The following DPYS variants were observed in gnomAD, a reference collection of about 807,000 sequenced individuals.
DPYS encodes dihydropyrimidinase, also known as dihydropyrimidine amidohydrolase.
A neutral mutation model predicts 50.3 loss-of-function variants in DPYS; 39 were observed. The ratio of observed to expected loss-of-function variants is 0.78; its 90% CI spans 0.60 to 1.01. DPYS has a LOEUF of 1.01. DPYS is among the 50% of genes least tolerant of loss of function. The probability of loss-of-function intolerance (pLI) is 0.00; values close to 1 mark genes in which losing one functional copy is unlikely to be tolerated. For synonymous variants in DPYS, 245 were observed against 250.7 expected, an observed-to-expected ratio of 0.98 and a Z score of 0.22; for missense variants, 659 against 680.9, an observed-to-expected ratio of 0.97 and a Z score of 0.36.
At chr8:104,454,526 AC>A (rs1346105317) in intron 1 of DPYS, among the ~76,000 whole-genome samples, 2 of 152,254 alleles carry the variant, frequency 1.3e-5, no homozygotes, top group Admixed American at 1.3e-4. Context: ...TCTCCACAAA[AC>A]CAGAAAAGTT....
intron 1 of DPYS, among the ~76,000 whole-genome samples, chr8:104,463,848 C>G (rs182129656): frequency 6.6e-6 from 1 of 152,292 alleles, no homozygotes; most frequent in East Asian, 1.9e-4. Context: ...GGAAAGAAGA[C>G]AAAATAACTC....
rs1811433427 is a variant in DPYS, at chr8:104,392,769, C to T, written c.1443+15G>A. On this transcript the variant is annotated intron_variant, in intron 8 of 9. Coordinates refer to ENST00000351513, the MANE Select transcript of DPYS (RefSeq NM_001385.3). Reference sequence around the variant, plus strand: ...CAGTCCGACTTGTGGCAGTATCCCACTGTGGCACACTCACCCGGTCTCGCT... The same window carrying T: ...CAGTCCGACTTGTGGCAGTATCCCATTGTGGCACACTCACCCGGTCTCGCT... 1.2e-6 allele frequency: 2 copies of T among 1,613,870 alleles called. No homozygotes were observed. The highest frequency in any genetic ancestry group is 1.7e-6 in the Non-Finnish European group (2 of 1,179,932).
intron 8 of DPYS, among the ~76,000 whole-genome samples, chr8:104,392,011 G>A (rs1811404208): frequency 6.6e-6 from 1 of 152,172 alleles, no homozygotes; most frequent in South Asian, 2.1e-4. Flanking sequence ...GCCCAAGGAG[G>A]ATCGAGAAAC....
chr8:104,434,179 T>C (rs141340879), intron 4 of DPYS, among the ~76,000 whole-genome samples: 262 of 152,228 alleles, frequency 1.7e-3, no homozygotes, highest in African/African-American at 6.0e-3. Context: ...AATTTTCTGA[T>C]TGGCAATTGG....
At chr8:104,425,747 G>T (rs569913716) in intron 6 of DPYS, among the ~76,000 whole-genome samples, 2 of 152,170 alleles carry the variant, frequency 1.3e-5, no homozygotes, top group Non-Finnish European at 2.9e-5. Context: ...AGAATTCAGA[G>T]GGGTGTGGCT....
intron 7 of DPYS, among the ~76,000 whole-genome samples, chr8:104,399,314 C>CAAAA (rs1206671523): frequency 5.6e-5 from 3 of 53,660 alleles, no homozygotes; most frequent in South Asian, 5.1e-4. Context: ...AAAAAAACAA[C>CAAAA]AACAAAAAAA....
Sources: gnomAD v4.1 joint callset for allele counts (sites outside exome capture counted in the v4.1 genomes callset) on GRCh38, gnomAD v4.1.1 for gene constraint, MANE v1.5 for transcripts, NCBI Gene and HGNC (gene_info 2026-07-23, HGNC 2026-07-21) for gene names.